The following PTPRM variants were observed in gnomAD, a reference collection of about 807,000 sequenced individuals.
PTPRM encodes receptor-type tyrosine-protein phosphatase mu.
PTPRM carries 47 observed loss-of-function variants against 186.7 expected under a neutral mutation model. The ratio of observed to expected loss-of-function variants is 0.25; its 90% confidence interval spans 0.20 to 0.32. The LOEUF (loss-of-function observed/expected upper bound fraction) is 0.32, where lower values mean the gene tolerates loss of function less well. PTPRM is among the 10% of genes least tolerant of loss of function. The pLI, the probability that PTPRM is intolerant of heterozygous loss-of-function variation, is 1.00. For missense variants in PTPRM, 1,494 were observed against 1,865.0 expected (o/e 0.80, Z 3.66); for synonymous variants, 668 against 674.9 (o/e 0.99, Z 0.16).
chr18:8,038,114 T>TA (rs1180257821), intron 7 of PTPRM, among the ~76,000 whole-genome samples: 1 of 152,178 alleles, frequency 6.6e-6, no homozygotes, highest in African/African-American at 2.4e-5. Context: ...TCTCCCCAAA[T>TA]ACTACTTGTG....
chr18:8,199,727 A>G (rs920064077), intron 14 of PTPRM, among the ~76,000 whole-genome samples: 1 of 152,230 alleles, frequency 6.6e-6, no homozygotes, highest in African/African-American at 2.4e-5. Flanking sequence ...AATAAATCCT[A>G]CAAATTCTCC....
chr18:7,980,248 C>G (rs550357300), intron 7 of PTPRM, among the ~76,000 whole-genome samples: 1 of 152,244 alleles, frequency 6.6e-6, no homozygotes, highest in East Asian at 1.9e-4. Context: ...ACTCTCTTTC[C>G]TAGGTGTCTT....
chr18:7,935,183 A>C (rs995964012), intron 5 of PTPRM, among the ~76,000 whole-genome samples: 1 of 152,210 alleles, frequency 6.6e-6, no homozygotes, highest in Non-Finnish European at 1.5e-5. Flanking sequence ...CAGAAATTTA[A>C]CATCACTTAG....
chr18:8,327,351 AG>A (rs753116063), intron 22 of PTPRM, among the ~76,000 whole-genome samples: 5 of 152,260 alleles, frequency 3.3e-5, no homozygotes, highest in Non-Finnish European at 7.3e-5. Flanking sequence ...ACCACCCATC[AG>A]ACAGAACTGC....
At chr18:7,983,970 A>G (rs1347179515) in intron 7 of PTPRM, among the ~76,000 whole-genome samples, 2 of 152,226 alleles carry the variant, frequency 1.3e-5, no homozygotes, top group African/African-American at 2.4e-5. Context: ...CAAGGTCGGT[A>G]GCTGATCAAT....
chr18:8,309,414 T>C (rs1252433584), intron 20 of PTPRM, among the ~76,000 whole-genome samples: 2 of 152,142 alleles, frequency 1.3e-5, no homozygotes, highest in African/African-American at 4.8e-5. Flanking sequence ...AAAATAAATG[T>C]TTATTGATTA....
chr18:7,891,401 A>G (rs949305052), intron 3 of PTPRM, among the ~76,000 whole-genome samples: 2 of 151,920 alleles, frequency 1.3e-5, no homozygotes, highest in Non-Finnish European at 1.5e-5. Flanking sequence ...CCCAACGTAC[A>G]TGTACTGTTT....
intron 1 of PTPRM, among the ~76,000 whole-genome samples, chr18:7,730,295 G>T (rs189228787): frequency 2.6e-5 from 4 of 152,218 alleles, no homozygotes; most frequent in Admixed American, 6.5e-5. Flanking sequence ...GAAATTTGGT[G>T]CATAAATTGT....
chr18:7,646,033 C>A (rs1035978915), intron 1 of PTPRM, among the ~76,000 whole-genome samples: 8 of 152,092 alleles, frequency 5.3e-5, no homozygotes, highest in African/African-American at 1.7e-4. Context: ...TTCTTTCTGG[C>A]GAGCTCTGTG....
At chr18:8,123,647 T>A (rs2092250596) in intron 13 of PTPRM, among the ~76,000 whole-genome samples, 1 of 152,184 alleles carries the variant, frequency 6.6e-6, no homozygotes, top group African/African-American at 2.4e-5. Context: ...GCTCCTGAAC[T>A]TCTGAAGTGT....
intron 1 of PTPRM, among the ~76,000 whole-genome samples, chr18:7,693,056 A>G (rs2039768117): frequency 6.6e-6 from 1 of 152,222 alleles, no homozygotes; most frequent in Admixed American, 6.5e-5. Flanking sequence ...CGTGTTGTGT[A>G]GCACTAATGT....
At chr18:8,315,011 T>A (rs117292232) in intron 21 of PTPRM, among the ~76,000 whole-genome samples, 154 bp downstream of exon 21, 2 of 152,196 alleles carry the variant, frequency 1.3e-5, no homozygotes, top group Non-Finnish European at 2.9e-5. Context: ...AGATTGTGTG[T>A]CTGCTGAACG....
chr18:8,011,280 A>G (rs551596465), intron 7 of PTPRM, among the ~76,000 whole-genome samples: 2 of 152,264 alleles, frequency 1.3e-5, no homozygotes, highest in African/African-American at 4.8e-5. Flanking sequence ...CGCAGCTGAA[A>G]TATCAATGTC....
At chr18:7,914,585 A>AAATAAAT (rs1327850009) in intron 4 of PTPRM, among the ~76,000 whole-genome samples, 10 of 151,502 alleles carry the variant, frequency 6.6e-5, no homozygotes, top group Non-Finnish European at 1.0e-4. Context: ...CACAATGCTT[A>AAATAAAT]CCACATTCTA....
chr18:8,079,019 T>C (rs1334247349), intron 9 of PTPRM, among the ~76,000 whole-genome samples: 2 of 152,248 alleles, frequency 1.3e-5, no homozygotes, highest in East Asian at 1.9e-4. Flanking sequence ...GAAATGAATA[T>C]GCTGTAGCTT....
chr18:8,072,062 T>C (rs545990271), intron 8 of PTPRM, among the ~76,000 whole-genome samples: 1 of 152,328 alleles, frequency 6.6e-6, no homozygotes, highest in South Asian at 2.1e-4. Flanking sequence ...TATGTATTTT[T>C]TTCTTTTTAT....
intron 1 of PTPRM, chr18:7,749,337 CAAAA>C (rs1164828004): frequency 1.3e-5 from 2 of 151,190 alleles, no homozygotes; most frequent in Non-Finnish European, 3.0e-5. Context: ...AAAAAAACAA[CAAAA>C]AAAACTCACA....
At chr18:8,177,267 C>G (rs1049429120) in intron 14 of PTPRM, among the ~76,000 whole-genome samples, 8 of 152,174 alleles carry the variant, frequency 5.3e-5, no homozygotes, top group Admixed American at 4.6e-4. Context: ...GTTTCCACAC[C>G]TCTTTGTTTA....
chr18:8,129,834 T>C (rs2092459207), intron 13 of PTPRM, among the ~76,000 whole-genome samples: 1 of 152,172 alleles, frequency 6.6e-6, no homozygotes, highest in Non-Finnish European at 1.5e-5. Context: ...ATACCCCTTT[T>C]TGAAGAAAGG....
Sources: allele counts gnomAD v4.1 joint callset (sites outside exome capture counted in the v4.1 genomes callset), GRCh38; gene constraint gnomAD v4.1.1; transcripts MANE v1.5; gene names NCBI Gene and HGNC (gene_info 2026-07-23, HGNC 2026-07-21).